Variants in TUT4 observed in about 807,000 individuals in gnomAD.
The protein encoded by TUT4 is terminal uridylyl transferase 4.
TUT4 carries 36 observed loss-of-function variants against 192.2 expected under a neutral mutation model. The observed-to-expected ratio is 0.19, with a 90% CI of 0.14 to 0.25. The LOEUF is 0.25. Among genes scored for constraint, TUT4 ranks in the 10% least tolerant of loss-of-function variants. The probability of loss-of-function intolerance (pLI) is 1.00; values close to 1 mark genes in which losing one functional copy is unlikely to be tolerated. For synonymous variants in TUT4, 618 were observed against 666.0 expected, an observed-to-expected ratio of 0.93 and a Z score of 1.11; for missense variants, 1,493 against 1,957.2, an observed-to-expected ratio of 0.76 and a Z score of 4.47.
intron 2 of TUT4, among the ~76,000 whole-genome samples, chr1:52,519,789 G>A (rs1055753401): frequency 1.1e-4 from 17 of 152,106 alleles, no homozygotes; most frequent in Admixed American, 2.6e-4. Context: ...GATTACAGGC[G>A]CGAGCCACTG....
intron 3 of TUT4, among the ~76,000 whole-genome samples, chr1:52,511,074 T>G (rs1444643279): frequency 6.6e-6 from 1 of 152,234 alleles, no homozygotes; most frequent in Admixed American, 6.5e-5. Context: ...TAATTTCTTT[T>G]AAATGAGAAA....
At chr1:52,477,389 C>G (rs780643441) in intron 12 of TUT4, among the ~76,000 whole-genome samples, 1 of 151,990 alleles carries the variant, frequency 6.6e-6, no homozygotes, top group African/African-American at 2.4e-5. Context: ...CTGAGCAACA[C>G]AGTGAGACCC....
At chr1:52,424,773 C>T (rs1410206881) in intron 29 of TUT4, 2 of 152,218 alleles carry the variant, frequency 1.3e-5, no homozygotes, top group African/African-American at 4.8e-5. Context: ...ATTATGTCTT[C>T]GTTCCACTAA....
intron 12 of TUT4, 39 bp downstream of exon 12, chr1:52,477,669 A>C: frequency 6.4e-7 from 1 of 1,564,920 alleles, no homozygotes; most frequent in Non-Finnish European, 8.7e-7. Context: ...GTAGCACATA[A>C]AAAATATTCT....
chr1:52,488,928 G>T lies in TUT4; in HGVS notation c.1496C>A (p.Ala499Asp), dbSNP rs149418418. 49 of 1,613,132 alleles carry T rather than the reference G, an allele frequency of 3.0e-5. No individual in the cohort carries two copies. Among genetic ancestry groups the T allele is most frequent in the Middle Eastern group, 1.6e-4 (1 of 6,078 alleles). ...IEPVFIPLVL[A>D]FRYWAKLCYI... ...ACTTACCTTAGCCCAGTAGCGAAAG[G>T]CTAACACCAAGGGAATAAAGACAGG... The change falls in exon 9 of 30, where the codon GCC (alanine) becomes GAC (aspartate). Residue 499 changes from alanine to aspartate, a missense_variant. By Grantham distance (126) the Ala-to-Asp change is moderately radical. Transcript: ENST00000257177.
At chr1:52,517,352 G>C (rs567585651) in intron 2 of TUT4, among the ~76,000 whole-genome samples, 7 of 152,198 alleles carry the variant, frequency 4.6e-5, no homozygotes, top group Non-Finnish European at 8.8e-5. Flanking sequence ...AATGAATCTG[G>C]ATGTATCTAC....
At chr1:52,471,853 C>A in intron 14 of TUT4, 99 bp downstream of exon 14, 1 of 1,335,722 alleles carries the variant, frequency 7.5e-7, no homozygotes. Flanking sequence ...AAACCTCTAG[C>A]AAAACAAAAC....
intron 3 of TUT4, among the ~76,000 whole-genome samples, chr1:52,514,265 A>AC (rs1448787908): frequency 3.3e-5 from 5 of 152,162 alleles, no homozygotes; most frequent in African/African-American, 1.2e-4. Flanking sequence ...ATATAGTGAA[A>AC]CCCCGTCTCT....
chr1:52,448,024 C>T (rs1386772011), intron 20 of TUT4, among the ~76,000 whole-genome samples: 1 of 152,208 alleles, frequency 6.6e-6, no homozygotes, highest in African/African-American at 2.4e-5. Flanking sequence ...TGTCTGGCCC[C>T]TCCAATTTTA....
chr1:52,425,198 C>G (rs930167346), intron 29 of TUT4, 151 bp downstream of exon 29: 3 of 925,196 alleles, frequency 3.2e-6, no homozygotes, highest in Non-Finnish European at 1.6e-6. Context: ...GTTTTACAAG[C>G]ACCTAGCACC....
chr1:52,486,519 A>C (rs929444530), intron 9 of TUT4, among the ~76,000 whole-genome samples: 3 of 152,194 alleles, frequency 2.0e-5, no homozygotes, highest in Non-Finnish European at 4.4e-5. Context: ...TGCGTGCTTA[A>C]CTAGATAATG....
At chr1:52,448,726 G>C (rs1182169332) in intron 20 of TUT4, among the ~76,000 whole-genome samples, 1 of 151,840 alleles carries the variant, frequency 6.6e-6, no homozygotes, top group African/African-American at 2.4e-5. Context: ...TAAAGATTCA[G>C]ACGCTATTAT....
At chr1:52,480,630 G>T (rs1162494339) in intron 11 of TUT4, among the ~76,000 whole-genome samples, 1 of 152,154 alleles carries the variant, frequency 6.6e-6, no homozygotes, top group Non-Finnish European at 1.5e-5. Context: ...ATTTTGTAGG[G>T]AATGAAAAAT....
At chr1:52,535,848 G>A (rs562708004) in intron 1 of TUT4, among the ~76,000 whole-genome samples, 3 of 152,290 alleles carry the variant, frequency 2.0e-5, no homozygotes, top group African/African-American at 4.8e-5. Context: ...AGAAGGCAAT[G>A]CAGTGACATA....
chr1:52,439,994 A>G (rs573617003), intron 24 of TUT4, among the ~76,000 whole-genome samples: 3 of 152,338 alleles, frequency 2.0e-5, no homozygotes, highest in South Asian at 2.1e-4. Flanking sequence ...TGAAAACATC[A>G]CACTAAAATG....
chr1:52,488,180 T>G (rs547202773), intron 9 of TUT4, among the ~76,000 whole-genome samples: 9 of 152,316 alleles, frequency 5.9e-5, no homozygotes, highest in Admixed American at 4.6e-4. Context: ...ACTTCTCTAT[T>G]TTTGCTATGA....
At chr1:52,442,363 C>T (rs961980406) in intron 24 of TUT4, among the ~76,000 whole-genome samples, 1 of 152,002 alleles carries the variant, frequency 6.6e-6, no homozygotes, top group Non-Finnish European at 1.5e-5. Flanking sequence ...CTTTATCTTT[C>T]ATTAATTTAG....
At chr1:52,498,285 C>T (rs535210430) in intron 4 of TUT4, among the ~76,000 whole-genome samples, 4 of 149,182 alleles carry the variant, frequency 2.7e-5, no homozygotes, top group South Asian at 2.1e-4. Flanking sequence ...GCTGTCGCCC[C>T]GGCTGGAGTG....
chr1:52,437,982 A>G (rs961011271), intron 25 of TUT4, among the ~76,000 whole-genome samples: 8 of 152,060 alleles, frequency 5.3e-5, no homozygotes, highest in Non-Finnish European at 1.0e-4. Context: ...AAACAAAAAC[A>G]AAAACAAAAA....
Sources: gnomAD v4.1 joint callset for allele counts (sites outside exome capture counted in the v4.1 genomes callset) on GRCh38, gnomAD v4.1.1 for gene constraint, MANE v1.5 for transcripts, NCBI Gene and HGNC (gene_info 2026-07-23, HGNC 2026-07-21) for gene names.